Variants in NOL4 observed in about 807,000 individuals in gnomAD.
NOL4 encodes cancer/testis antigen 125.
A neutral mutation model predicts 75.9 loss-of-function variants in NOL4; 17 were observed. That is an observed-to-expected ratio of 0.22 (90% CI 0.15 to 0.34). NOL4 has a LOEUF of 0.34. Among genes scored for constraint, NOL4 ranks in the 10% least tolerant of loss-of-function variants. The pLI is 1.00. For synonymous variants in NOL4, 292 were observed against 289.9 expected (o/e 1.01, Z -0.07); for missense variants, 614 against 793.5 (o/e 0.77, Z 2.72).
At chr18:34,023,761 T>A (rs982713206) in intron 5 of NOL4, 1 of 243,044 alleles carries the variant, frequency 4.1e-6, no homozygotes, top group African/African-American at 2.2e-5. Flanking sequence ...CTACTTTTGA[T>A]GGGATGGATT....
chr18:34,192,616 C>T (rs1006503560), intron 1 of NOL4, among the ~76,000 whole-genome samples: 1 of 152,178 alleles, frequency 6.6e-6, no homozygotes, highest in East Asian at 1.9e-4. Flanking sequence ...GGAGAAAGGA[C>T]ATTTTCTTCA....
chr18:34,046,128 C>T (rs575839807), intron 5 of NOL4, among the ~76,000 whole-genome samples: 1 of 152,156 alleles, frequency 6.6e-6, no homozygotes, highest in South Asian at 2.1e-4. Context: ...AAATTCAGAC[C>T]ATTTCCATAT....
intron 2 of NOL4, among the ~76,000 whole-genome samples, chr18:34,126,920 T>C (rs1259990229): frequency 6.6e-6 from 1 of 151,804 alleles, no homozygotes; most frequent in Admixed American, 6.6e-5. Flanking sequence ...TAACCAAGAG[T>C]AGACTACAGA....
chr18:33,985,538 G>T (rs150757545), intron 6 of NOL4, among the ~76,000 whole-genome samples: 248 of 152,048 alleles, frequency 1.6e-3, no homozygotes, highest in African/African-American at 5.6e-3. Flanking sequence ...TTATTATCAC[G>T]GTTAGACCTG....
At chr18:34,178,282 CA>C (rs1568423356) in intron 1 of NOL4, among the ~76,000 whole-genome samples, 1 of 150,920 alleles carries the variant, frequency 6.6e-6, no homozygotes, top group Non-Finnish European at 1.5e-5. Flanking sequence ...AAATGGTAAA[CA>C]AAAAAATAAC....
chr18:33,889,811 G>A (rs1024179070), intron 9 of NOL4, among the ~76,000 whole-genome samples: 9 of 152,132 alleles, frequency 5.9e-5, no homozygotes, highest in Non-Finnish European at 1.2e-4. Flanking sequence ...AATAGATGCA[G>A]AAAAGGCCTT....
chr18:34,058,788 A>C (rs1406096050), intron 5 of NOL4, among the ~76,000 whole-genome samples: 5 of 152,256 alleles, frequency 3.3e-5, no homozygotes, highest in African/African-American at 1.2e-4. Flanking sequence ...ATAATGAATG[A>C]ATTATTAAAT....
rs533418050 is a variant in NOL4, at chr18:34,017,566, A to T, written c.1056+1752T>A. Reference sequence around the variant, plus strand: ...ATATCTCTAGATGTATTTGTCCTTCATAGGTGCTAAGTATTTACTATGTTC... The same window carrying T: ...ATATCTCTAGATGTATTTGTCCTTCTTAGGTGCTAAGTATTTACTATGTTC... On this transcript the variant is annotated intron_variant, in intron 6 of 10. Coordinates refer to ENST00000261592, the MANE Select transcript of NOL4 (RefSeq NM_003787.5). 2.0e-5 allele frequency among the ~76,000 whole-genome samples: 3 copies of T among 152,286 alleles called. No individual in the cohort carries two copies. In the East Asian group the frequency reaches 5.8e-4, roughly 29 times the overall value.
intron 5 of NOL4, among the ~76,000 whole-genome samples, chr18:34,049,407 T>C (rs1357129614): frequency 2.0e-5 from 3 of 152,002 alleles, no homozygotes; most frequent in Non-Finnish European, 2.9e-5. Flanking sequence ...AACACGTATA[T>C]TAATATATAT....
intron 9 of NOL4, among the ~76,000 whole-genome samples, chr18:33,907,616 C>T (rs750107272): frequency 6.6e-6 from 1 of 151,928 alleles, no homozygotes; most frequent in Admixed American, 6.6e-5. Context: ...AGGAGTTAAC[C>T]GTTAGCTACT....
chr18:34,082,541 G>C (rs1190075081), intron 5 of NOL4, among the ~76,000 whole-genome samples: 1 of 152,074 alleles, frequency 6.6e-6, no homozygotes, highest in African/African-American at 2.4e-5. Context: ...TGGTTGAATT[G>C]AATGAGAGTT....
chr18:34,027,632 T>G (rs2075410781), intron 5 of NOL4, among the ~76,000 whole-genome samples: 1 of 152,188 alleles, frequency 6.6e-6, no homozygotes, highest in African/African-American at 2.4e-5. Flanking sequence ...GCCCAAAACT[T>G]TTATATTGTA....
chr18:33,902,275 A>T (rs2065789885), intron 9 of NOL4, among the ~76,000 whole-genome samples: 1 of 152,036 alleles, frequency 6.6e-6, no homozygotes, highest in African/African-American at 2.4e-5. Flanking sequence ...TTTGATTTTT[A>T]ATTCTATAAC....
intron 2 of NOL4, among the ~76,000 whole-genome samples, chr18:34,111,685 C>T (rs924949174): frequency 1.3e-5 from 2 of 152,032 alleles, no homozygotes; most frequent in African/African-American, 4.8e-5. Context: ...AGACATGAAT[C>T]GGCATTTCCC....
At chr18:34,123,877 T>A (rs1376526263) in intron 2 of NOL4, among the ~76,000 whole-genome samples, 2 of 151,852 alleles carry the variant, frequency 1.3e-5, no homozygotes, top group East Asian at 3.9e-4. Context: ...TGCTATTTTA[T>A]ACTGATAAAC....
intron 10 of NOL4, among the ~76,000 whole-genome samples, chr18:33,861,877 T>A (rs1299700788): frequency 6.6e-6 from 1 of 152,060 alleles, no homozygotes; most frequent in East Asian, 1.9e-4. Context: ...GCCATCCCCA[T>A]CAAGCTACCA....
At chr18:34,171,138 C>T (rs9953364) in intron 1 of NOL4, among the ~76,000 whole-genome samples, 70,498 of 151,986 alleles carry the variant, frequency 0.46, 16,462 homozygotes, top group Admixed American at 0.54. Flanking sequence ...CCAGATGTTA[C>T]ATTTACTGTT....
intron 9 of NOL4, among the ~76,000 whole-genome samples, chr18:33,939,867 C>T (rs7244340): frequency 0.027 from 4,061 of 152,102 alleles, 66 homozygotes; most frequent in Non-Finnish European, 0.028. Flanking sequence ...AAAAGGAATG[C>T]TTCCAGTTTT....
chr18:34,078,884 T>C (rs2077866192), intron 5 of NOL4, among the ~76,000 whole-genome samples: 1 of 152,234 alleles, frequency 6.6e-6, no homozygotes, highest in African/African-American at 2.4e-5. Context: ...TGGTAATTTC[T>C]GGCCTCTGCC....
Sources: gnomAD v4.1 joint callset for allele counts (sites outside exome capture counted in the v4.1 genomes callset) on GRCh38, gnomAD v4.1.1 for gene constraint, MANE v1.5 for transcripts, NCBI Gene and HGNC (gene_info 2026-07-23, HGNC 2026-07-21) for gene names.